The following ENTPD5 variants were observed in gnomAD, a reference collection of about 807,000 sequenced individuals.
The protein encoded by ENTPD5 is nucleoside diphosphate phosphatase ENTPD5.
A neutral mutation model predicts 60.2 loss-of-function variants in ENTPD5; 49 were observed. The ratio of observed to expected loss-of-function variants is 0.81; its 90% CI spans 0.65 to 1.03. The LOEUF (loss-of-function observed/expected upper bound fraction) is 1.03, where lower values mean the gene tolerates loss of function less well. Among genes scored for constraint, ENTPD5 ranks in the 50% least tolerant of loss-of-function variants. ENTPD5 has a pLI of 0.00. For synonymous variants in ENTPD5, 187 were observed against 185.4 expected, an observed-to-expected ratio of 1.01 and a Z score of -0.07; for missense variants, 480 against 507.6, an observed-to-expected ratio of 0.95 and a Z score of 0.52.
chr14:73,972,825 C>A, intron 13 of ENTPD5, 59 bp downstream of exon 13: 1 of 1,582,312 alleles, frequency 6.3e-7, no homozygotes, highest in South Asian at 1.2e-5. Flanking sequence ...TCTCCTTGAC[C>A]TTCCCCACCA....
At chr14:73,956,273 A>G, downstream of ENTPD5, 1 of 303,816 alleles carries the variant, frequency 3.3e-6, no homozygotes, top group East Asian at 7.7e-5. Context: ...GCTTGCAGTG[A>G]GCCGAGATCA....
intron 3 of ENTPD5, among the ~76,000 whole-genome samples, chr14:73,992,216 C>T (rs2058164365): frequency 6.6e-6 from 1 of 152,052 alleles, no homozygotes; most frequent in South Asian, 2.1e-4. Context: ...TCATAGTTTA[C>T]TGGTTAAGTG....
intron 3 of ENTPD5, among the ~76,000 whole-genome samples, chr14:73,998,333 G>C (rs1489800621): frequency 6.6e-6 from 1 of 152,054 alleles, no homozygotes; most frequent in Admixed American, 6.6e-5. Context: ...TAATAAATAC[G>C]AAGGGCGGTA....
At chr14:73,969,457 C>T (rs1244998021) in intron 15 of ENTPD5, among the ~76,000 whole-genome samples, 2 of 152,050 alleles carry the variant, frequency 1.3e-5, no homozygotes, top group African/African-American at 4.8e-5. Flanking sequence ...CTTGGGAGTT[C>T]GAGGTGGGCG....
At chr14:74,003,904 C>T (rs1473257598) in intron 3 of ENTPD5, among the ~76,000 whole-genome samples, 2 of 151,540 alleles carry the variant, frequency 1.3e-5, no homozygotes, top group African/African-American at 4.9e-5. Context: ...TGAGACCAGC[C>T]TGGGCAACAC....
downstream of ENTPD5, chr14:73,956,135 T>C (rs182326604): frequency 3.1e-4 from 168 of 544,506 alleles, no homozygotes; most frequent in Admixed American, 1.3e-3. Flanking sequence ...CCATCCTGGC[T>C]AACATGGTGA....
chr14:73,976,368 G>T lies in ENTPD5; in HGVS notation c.598C>A (p.Leu200Ile), dbSNP rs1215434109. Residue 200 changes from leucine to isoleucine, a missense_variant, in exon 9 of 16, where the codon CTA (leucine) becomes ATA (isoleucine). Leu to Ile is a conservative substitution (Grantham distance 5). Transcript: ENST00000334696. ...HRQETVGTLD[L>I]GGASTQITFL... ...GTGATTTGGGTGGAGGCTCCCCCTAGGTCCAAGGTCCCCACAGTCTCCTGT... is the reference window on the plus strand; with the variant it reads ...GTGATTTGGGTGGAGGCTCCCCCTATGTCCAAGGTCCCCACAGTCTCCTGT... The T allele has an allele frequency of 3.1e-6, 5 of 1,614,048 alleles. No individual in the cohort carries two copies. Among genetic ancestry groups the T allele is most frequent in the Non-Finnish European group, 4.2e-6 (5 of 1,180,030 alleles).
At chr14:74,014,987 C>G (rs1306874225) in intron 2 of ENTPD5, among the ~76,000 whole-genome samples, 1 of 150,996 alleles carries the variant, frequency 6.6e-6, no homozygotes, top group African/African-American at 2.4e-5. Context: ...GAGGCTGAGG[C>G]AGGAGAATTG....
At chr14:73,977,879 C>T (rs1004847894) in intron 6 of ENTPD5, among the ~76,000 whole-genome samples, 57 of 152,116 alleles carry the variant, frequency 3.7e-4, no homozygotes, top group African/African-American at 1.4e-3. Context: ...GGGGAGACTC[C>T]AGATCTAGAC....
chr14:74,016,340 C>A (rs2059016315), intron 1 of ENTPD5, among the ~76,000 whole-genome samples: 1 of 152,062 alleles, frequency 6.6e-6, no homozygotes, highest in African/African-American at 2.4e-5. Context: ...ATATATAATA[C>A]AATAAAATAA....
chr14:73,977,563 AAAACAC>A (rs1432615669), intron 6 of ENTPD5, among the ~76,000 whole-genome samples, 189 bp from the exon 7 acceptor site: 2 of 152,338 alleles, frequency 1.3e-5, no homozygotes, highest in African/African-American at 4.8e-5. Context: ...GTTTCTTGCA[AAAACAC>A]AAACACAGAG....
chr14:73,955,868 T>C, downstream of ENTPD5: 1 of 1,614,144 alleles, frequency 6.2e-7, no homozygotes, highest in Non-Finnish European at 8.5e-7. Context: ...TGACATGGGC[T>C]ATATCGTGGA....
chr14:74,000,802 T>C (rs1319628726), intron 3 of ENTPD5, among the ~76,000 whole-genome samples: 1 of 151,586 alleles, frequency 6.6e-6, no homozygotes, highest in East Asian at 1.9e-4. Context: ...AAAAATGAAA[T>C]GACATGTAAG....
chr14:73,986,069 CAA>C (rs534512335), intron 5 of ENTPD5, among the ~76,000 whole-genome samples: 46 of 79,204 alleles, frequency 5.8e-4, no homozygotes, highest in Admixed American at 7.4e-4. Flanking sequence ...GATACTCCGT[CAA>C]AAAAAAAAAA....
At chr14:74,015,292 G>T (rs2058982801) in intron 2 of ENTPD5, among the ~76,000 whole-genome samples, 1 of 151,424 alleles carries the variant, frequency 6.6e-6, no homozygotes, top group South Asian at 2.1e-4. Flanking sequence ...AGTTATAGAT[G>T]AATTTATAAA....
Position 73,983,170 on chromosome 14 carries a change from G to GA in ENTPD5, c.298-10dup. On this transcript the variant is annotated splice_polypyrimidine_tract_variant and intron_variant, in intron 5 of 15. Coordinates refer to ENST00000334696, the MANE Select transcript of ENTPD5 (RefSeq NM_001249.5). ...TGAACGGTCTCAGCACCCTTCAAAA[G>GA]AGATAACCCGTTCATCTGATGAACG... is the stretch of plus-strand genomic sequence containing the variant. The GA allele has an allele frequency of 6.2e-7, 1 of 1,606,248 alleles. No homozygotes were observed. The highest frequency in any genetic ancestry group is 8.5e-7 in the Non-Finnish European group (1 of 1,175,764).
downstream of ENTPD5, chr14:73,959,221 C>A: frequency 2.5e-6 from 4 of 1,614,218 alleles, no homozygotes; most frequent in African/African-American, 5.3e-5. Context: ...TTGCTCTGCT[C>A]CCGGTAAGAG....
chr14:74,000,418 C>T (rs1313970594), intron 3 of ENTPD5, among the ~76,000 whole-genome samples: 1 of 148,982 alleles, frequency 6.7e-6, no homozygotes, highest in Non-Finnish European at 1.5e-5. Flanking sequence ...TGAGATCGCA[C>T]CACTGTACTC....
intron 3 of ENTPD5, chr14:74,007,673 G>A (rs1426192825): frequency 6.6e-6 from 1 of 151,632 alleles, no homozygotes; most frequent in Non-Finnish European, 1.5e-5. Flanking sequence ...GTCAGCTTTT[G>A]AGCTGAGCAT....
Sources: allele counts gnomAD v4.1 joint callset (sites outside exome capture counted in the v4.1 genomes callset), GRCh38; gene constraint gnomAD v4.1.1; transcripts MANE v1.5; gene names NCBI Gene and HGNC (gene_info 2026-07-23, HGNC 2026-07-21).